FARS2: variants seen among roughly 807,000 people sequenced by gnomAD.
The protein encoded by FARS2 is phenylalanine--tRNA ligase, mitochondrial.
In FARS2, 40 loss-of-function variants were observed where a neutral mutation model predicts 46.4. The observed-to-expected ratio is 0.86, with a 90% CI of 0.67 to 1.12. The LOEUF (loss-of-function observed/expected upper bound fraction) is 1.12. Among genes scored for constraint, FARS2 ranks in the 50% most tolerant of loss-of-function variants. The pLI is 0.00. For synonymous variants in FARS2, 234 were observed against 214.9 expected (o/e 1.09, Z -0.78); for missense variants, 513 against 567.9 (o/e 0.90, Z 0.98).
At chr6:5,522,683 G>A (rs951997208) in intron 4 of FARS2, among the ~76,000 whole-genome samples, 5 of 152,186 alleles carry the variant, frequency 3.3e-5, no homozygotes, top group African/African-American at 1.2e-4. Flanking sequence ...GCTAAAAGAT[G>A]CATTGGATTT....
chr6:5,469,579 T>C (rs774401086), intron 4 of FARS2, among the ~76,000 whole-genome samples: 6 of 152,240 alleles, frequency 3.9e-5, no homozygotes, highest in Non-Finnish European at 5.9e-5. Flanking sequence ...TAGAATGTTC[T>C]GTACACTGCC....
chr6:5,436,532 G>C (rs1763529771), intron 4 of FARS2, among the ~76,000 whole-genome samples: 1 of 152,204 alleles, frequency 6.6e-6, no homozygotes, highest in African/African-American at 2.4e-5. Flanking sequence ...AAAACTTGTA[G>C]TTCTGTGTAG....
At chr6:5,329,006 T>C (rs1770598786) in intron 1 of FARS2, among the ~76,000 whole-genome samples, 1 of 152,164 alleles carries the variant, frequency 6.6e-6, no homozygotes. Context: ...GTCTTATCTC[T>C]ATAACTTTCC....
chr6:5,444,218 G>A (rs1037068487), intron 4 of FARS2, among the ~76,000 whole-genome samples: 5 of 151,902 alleles, frequency 3.3e-5, no homozygotes, highest in Admixed American at 6.5e-5. Context: ...CCTGTAATCC[G>A]AGCACTTTGG....
chr6:5,628,296 A>G (rs59860398), intron 6 of FARS2, among the ~76,000 whole-genome samples: 1,774 of 152,296 alleles, frequency 0.012, 42 homozygotes, highest in African/African-American at 0.041. Flanking sequence ...GAAAGGAAGA[A>G]AAAAGCTTGT....
In FARS2 at chr6:5,707,604, T is replaced by A. The variant is rs138131540; in HGVS notation, c.1218-63687T>A. On this transcript the variant is annotated intron_variant, in intron 6 of 6. Transcript: ENST00000274680. The stretch of plus-strand genomic sequence containing the variant: ...TCAGGCTCCCTCTCATTTCACATTT[T>A]CCAACACTAGTATCCTTGTGAGTGG... 6.9e-3 allele frequency among the ~76,000 whole-genome samples: 1,053 copies of A among 152,346 alleles called. 52 individuals carry two copies. The highest frequency in any genetic ancestry group is 0.06 in the Admixed American group (924 of 15,306).
intron 3 of FARS2, among the ~76,000 whole-genome samples, chr6:5,407,913 G>A (rs1291235563): frequency 6.6e-6 from 1 of 152,208 alleles, no homozygotes; most frequent in African/African-American, 2.4e-5. Context: ...GAGGCAGGGT[G>A]AGGTAGAAGG....
intron 5 of FARS2, among the ~76,000 whole-genome samples, chr6:5,555,250 C>T (rs1004773577): frequency 2.0e-5 from 3 of 152,084 alleles, no homozygotes; most frequent in East Asian, 1.9e-4. Flanking sequence ...CCCAGCCACA[C>T]GGAACTGTAA....
upstream of FARS2, among the ~76,000 whole-genome samples, chr6:5,258,165 G>T (rs142600432): frequency 6.6e-6 from 1 of 152,222 alleles, no homozygotes; most frequent in Admixed American, 6.5e-5. Context: ...GCACATGTGG[G>T]ACTTAGGCTG....
At chr6:5,375,778 A>T (rs1759339689) in intron 2 of FARS2, among the ~76,000 whole-genome samples, 2 of 152,104 alleles carry the variant, frequency 1.3e-5, no homozygotes, top group African/African-American at 4.8e-5. Context: ...CTCTATAGGA[A>T]AACAGTGGAT....
intron 6 of FARS2, among the ~76,000 whole-genome samples, chr6:5,734,230 C>T (rs1173535268): frequency 1.3e-5 from 2 of 152,220 alleles, no homozygotes; most frequent in Admixed American, 1.3e-4. Context: ...CTTCCTGCCC[C>T]CCGCAGACCA....
intron 1 of FARS2, among the ~76,000 whole-genome samples, chr6:5,264,279 G>T (rs1765391397): frequency 6.6e-6 from 1 of 151,934 alleles, no homozygotes; most frequent in Non-Finnish European, 1.5e-5. Context: ...ACAACAAAAA[G>T]AAATTATTCT....
At chr6:5,260,803 C>T (rs1561911922), upstream of FARS2, 6 of 1,531,220 alleles carry the variant, frequency 3.9e-6, no homozygotes, top group African/African-American at 1.4e-5. Flanking sequence ...CCACGAAACT[C>T]CAGCCTGTGC....
intron 6 of FARS2, among the ~76,000 whole-genome samples, chr6:5,649,773 G>A (rs1001577138): frequency 2.6e-5 from 4 of 152,150 alleles, no homozygotes; most frequent in East Asian, 1.9e-4. Context: ...TCTAGAGCCC[G>A]TACTCTTATC....
intron 4 of FARS2, among the ~76,000 whole-genome samples, chr6:5,488,790 G>A (rs768664776): frequency 7.9e-5 from 12 of 152,000 alleles, no homozygotes; most frequent in Admixed American, 2.6e-4. Context: ...TTCATACTCC[G>A]CATATCTAAA....
rs147725501 is a variant in FARS2 at position 5,402,447 on chromosome 6, C to G, written c.613-2095C>G. On this transcript the variant is annotated intron_variant, in intron 2 of 6. Transcript: ENST00000274680. Reference sequence around the variant, plus strand: ...CATTAGTTGAGCTCTTTTGAATTGACTTTCTGATTTTTGAGTAATAATTTT... The same window carrying G: ...CATTAGTTGAGCTCTTTTGAATTGAGTTTCTGATTTTTGAGTAATAATTTT... Among the ~76,000 whole-genome samples, 944 of 151,954 alleles carry G rather than the reference C, an allele frequency of 6.2e-3. 3 individuals carry two copies. Among genetic ancestry groups the G allele is most frequent in the Non-Finnish European group, 0.012 (783 of 67,942 alleles).
intron 4 of FARS2, among the ~76,000 whole-genome samples, chr6:5,509,073 T>G (rs1288952399): frequency 6.6e-6 from 1 of 152,240 alleles, no homozygotes; most frequent in Admixed American, 6.5e-5. Flanking sequence ...CGTGTGGCTG[T>G]GTTTGCCCCA....
chr6:5,442,710 G>T (rs1763912024), intron 4 of FARS2, among the ~76,000 whole-genome samples: 1 of 152,046 alleles, frequency 6.6e-6, no homozygotes, highest in Admixed American at 6.5e-5. Context: ...GTTTCCCTTG[G>T]CTGGGAAGTC....
At chr6:5,479,721 A>G (rs1766333829) in intron 4 of FARS2, among the ~76,000 whole-genome samples, 1 of 152,196 alleles carries the variant, frequency 6.6e-6, no homozygotes. Context: ...ATAAAATTCC[A>G]CAGCGATTTA....
Sources: allele counts gnomAD v4.1 joint callset (sites outside exome capture counted in the v4.1 genomes callset), GRCh38; gene constraint gnomAD v4.1.1; transcripts MANE v1.5; gene names NCBI Gene and HGNC (gene_info 2026-07-23, HGNC 2026-07-21).